Variants in PDGFRL observed in about 807,000 individuals in gnomAD.
PDGFRL encodes platelet derived growth factor receptor like, also known as platelet-derived growth factor receptor-like protein.
PDGFRL carries 46 observed loss-of-function variants against 37.2 expected under a neutral mutation model. The observed-to-expected ratio is 1.24, with a 90% CI of 0.98 to 1.58. The LOEUF is 1.58. PDGFRL is among the 40% of genes most tolerant of loss of function. The pLI, the probability that PDGFRL is intolerant of heterozygous loss-of-function variation, is 0.00. For synonymous variants in PDGFRL, 251 were observed against 184.3 expected (o/e 1.36, Z -2.93); for missense variants, 692 against 467.6 (o/e 1.48, Z -4.43).
chr8:17,637,159 A>G (rs1423964741), intron 5 of PDGFRL, among the ~76,000 whole-genome samples: 1 of 152,076 alleles, frequency 6.6e-6, no homozygotes, highest in Non-Finnish European at 1.5e-5. Flanking sequence ...TGTTGAATGC[A>G]AGTGGGCATC....
chr8:17,583,803 T>TC (rs1563503291), intron 1 of PDGFRL, among the ~76,000 whole-genome samples: 29 of 151,418 alleles, frequency 1.9e-4, no homozygotes, highest in East Asian at 9.7e-4. Context: ...CTCTCTCTCT[T>TC]GCTTCTTCTC....
At chr8:17,577,082 T>TAAAAAAAAGAAA, upstream of PDGFRL, 1 of 410,770 alleles carries the variant, frequency 2.4e-6, no homozygotes, top group Non-Finnish European at 3.7e-6. Context: ...CACAGAGAAC[T>TAAAAAAAAGAAA]AAAAAAAAAA....
At chr8:17,627,701 C>T (rs1038545251) in intron 3 of PDGFRL, among the ~76,000 whole-genome samples, 1 of 151,494 alleles carries the variant, frequency 6.6e-6, no homozygotes, top group Non-Finnish European at 1.5e-5. Context: ...GTCTTGAACT[C>T]CTGAGCTCAG....
intron 2 of PDGFRL, among the ~76,000 whole-genome samples, chr8:17,605,348 G>A (rs574255337): frequency 1.3e-5 from 2 of 152,212 alleles, no homozygotes; most frequent in Admixed American, 1.3e-4. Flanking sequence ...TGGACCTCAT[G>A]CTTTTTTGCA....
intron 5 of PDGFRL, among the ~76,000 whole-genome samples, chr8:17,636,454 CT>C (rs1563531424): frequency 6.6e-6 from 1 of 152,040 alleles, no homozygotes; most frequent in Non-Finnish European, 1.5e-5. Context: ...GTTCTCTATT[CT>C]GTTCCACTGG....
chr8:17,600,498 A>G (rs1015472689), intron 2 of PDGFRL, among the ~76,000 whole-genome samples: 1 of 152,004 alleles, frequency 6.6e-6, no homozygotes, highest in African/African-American at 2.4e-5. Context: ...CCTGCTCACA[A>G]TATCTGCTTG....
At chr8:17,604,414 G>T (rs34466164) in intron 2 of PDGFRL, among the ~76,000 whole-genome samples, 2 of 152,108 alleles carry the variant, frequency 1.3e-5, no homozygotes, top group African/African-American at 4.8e-5. Context: ...CATGAAAAAT[G>T]ATGAGTTCAT....
At chr8:17,604,120 C>T (rs887188985) in intron 2 of PDGFRL, among the ~76,000 whole-genome samples, 1 of 152,102 alleles carries the variant, frequency 6.6e-6, no homozygotes, top group Admixed American at 6.6e-5. Context: ...AATAGGAACA[C>T]TTTTACACTG....
chr8:17,587,983 G>T (rs749178801), intron 1 of PDGFRL, among the ~76,000 whole-genome samples: 1 of 152,104 alleles, frequency 6.6e-6, no homozygotes, highest in African/African-American at 2.4e-5. Context: ...GCTGCAAGGG[G>T]CTTAGCTGAG....
chr8:17,584,133 G>T (rs1453312920), intron 1 of PDGFRL, among the ~76,000 whole-genome samples: 1 of 152,154 alleles, frequency 6.6e-6, no homozygotes, highest in African/African-American at 2.4e-5. Flanking sequence ...TCAAGATGAA[G>T]TCAAAAGAAT....
intron 1 of PDGFRL, among the ~76,000 whole-genome samples, chr8:17,585,171 ACGTT>A (rs1435479248): frequency 2.0e-5 from 3 of 152,152 alleles, no homozygotes; most frequent in Non-Finnish European, 4.4e-5. Flanking sequence ...ACTAGAGGTC[ACGTT>A]CGTGGCCATC....
At chr8:17,614,146 AATAG>A (rs1326786316) in intron 2 of PDGFRL, among the ~76,000 whole-genome samples, 2 of 152,110 alleles carry the variant, frequency 1.3e-5, no homozygotes, top group Admixed American at 6.5e-5. Context: ...ATTGATTCGT[AATAG>A]ATAGATTGAT....
chr8:17,633,745 G>C (rs966287938), intron 4 of PDGFRL, among the ~76,000 whole-genome samples: 1 of 152,122 alleles, frequency 6.6e-6, no homozygotes, highest in Non-Finnish European at 1.5e-5. Flanking sequence ...CTTCCTCCCT[G>C]CTTCTTCCCT....
rs557985854 is a variant in PDGFRL at position 17,600,244 on chromosome 8, C to T, written c.353+10479C>T. On this transcript the variant is annotated intron_variant, in intron 2 of 5. Coordinates refer to ENST00000251630, the MANE Select transcript of PDGFRL (RefSeq NM_001372073.1). ...TCGCTTTTCCATGCCTTGAGATTTC[C>T]TGCACCAACTCCATTTAGCTGAGTG... is the stretch of plus-strand genomic sequence containing the variant. Among the ~76,000 whole-genome samples the T allele has an allele frequency of 3.3e-5, 5 of 152,246 alleles. No homozygotes were observed. In the East Asian group the frequency reaches 9.7e-4, roughly 29 times the overall value.
chr8:17,639,464 T>C (rs1242872513), intron 5 of PDGFRL, among the ~76,000 whole-genome samples: 1 of 152,212 alleles, frequency 6.6e-6, no homozygotes, highest in Non-Finnish European at 1.5e-5. Flanking sequence ...CTTACAGTGC[T>C]GGGTTTGTAG....
intron 2 of PDGFRL, among the ~76,000 whole-genome samples, chr8:17,620,293 C>T (rs970649387): frequency 2.2e-4 from 34 of 152,208 alleles, no homozygotes; most frequent in African/African-American, 8.2e-4. Context: ...TTAGTGGTGA[C>T]ACATTGGTTT....
intron 1 of PDGFRL, among the ~76,000 whole-genome samples, chr8:17,586,097 G>A (rs927993643): frequency 5.9e-5 from 9 of 152,154 alleles, no homozygotes; most frequent in African/African-American, 2.2e-4. Context: ...GACTACAGGC[G>A]TGTGCCGCCA....
chr8:17,621,248 G>C, intron 3 of PDGFRL, 46 bp downstream of exon 3: 1 of 1,413,586 alleles, frequency 7.1e-7, no homozygotes, highest in Non-Finnish European at 9.8e-7. Context: ...CTTCTGGACC[G>C]GGCTGAGAGC....
chr8:17,606,508 G>T (rs948732473), intron 2 of PDGFRL, among the ~76,000 whole-genome samples: 2 of 152,264 alleles, frequency 1.3e-5, no homozygotes, highest in South Asian at 4.1e-4. Flanking sequence ...CCCCAGAAAT[G>T]ACAAATAGGT....
Sources: gnomAD v4.1 joint callset for allele counts (sites outside exome capture counted in the v4.1 genomes callset) on GRCh38, gnomAD v4.1.1 for gene constraint, MANE v1.5 for transcripts, NCBI Gene and HGNC (gene_info 2026-07-23, HGNC 2026-07-21) for gene names.